The following GSTCD variants were observed in gnomAD, a reference collection of about 807,000 sequenced individuals.
The protein encoded by GSTCD is glutathione S-transferase C-terminal domain-containing protein.
A neutral mutation model predicts 68.3 loss-of-function variants in GSTCD; 44 were observed. The ratio of observed to expected loss-of-function variants is 0.64; its 90% CI spans 0.51 to 0.83. The LOEUF is 0.83. GSTCD is among the 40% of genes least tolerant of loss of function. The pLI is 0.00. For synonymous variants in GSTCD, 273 were observed against 255.2 expected, an observed-to-expected ratio of 1.07 and a Z score of -0.67; for missense variants, 739 against 735.9, an observed-to-expected ratio of 1.00 and a Z score of -0.05.
intron 5 of GSTCD, among the ~76,000 whole-genome samples, chr4:105,816,206 G>A (rs1358404477): frequency 6.6e-6 from 1 of 152,118 alleles, no homozygotes. Context: ...AGAAGCTTTA[G>A]AATTAGATAT....
chr4:105,815,400 T>C (rs778863696), intron 5 of GSTCD: 6 of 152,106 alleles, frequency 3.9e-5, no homozygotes, highest in Non-Finnish European at 8.8e-5. Flanking sequence ...AGATGCCACC[T>C]CTAGATGGGA....
At chr4:105,837,620 A>G (rs1368094408) in intron 9 of GSTCD, among the ~76,000 whole-genome samples, 2 of 152,208 alleles carry the variant, frequency 1.3e-5, no homozygotes, top group Non-Finnish European at 1.5e-5. Context: ...GAGACAAAAA[A>G]GGTGCTTCTC....
At chr4:105,794,823 TTATCTATCTATCTATTTATC>T (rs1157080707) in intron 5 of GSTCD, among the ~76,000 whole-genome samples, 9,419 of 139,942 alleles carry the variant, frequency 0.067, 496 homozygotes, top group African/African-American at 0.16. Flanking sequence ...ATTTCTGCTT[TTATCTATCTATCTATTTATC>T]TATCTATCTA....
chr4:105,821,997 A>T (rs1404526519), intron 5 of GSTCD, among the ~76,000 whole-genome samples: 1 of 152,008 alleles, frequency 6.6e-6, no homozygotes, highest in East Asian at 1.9e-4. Flanking sequence ...TTTTTCTGGG[A>T]AAAAGGAGCA....
intron 4 of GSTCD, among the ~76,000 whole-genome samples, chr4:105,728,385 G>A (rs1013790657): frequency 2.6e-5 from 4 of 152,176 alleles, no homozygotes; most frequent in African/African-American, 9.7e-5. Flanking sequence ...AAGAAGGTCA[G>A]TGTGGCTAGA....
chr4:105,822,994 G>A lies in GSTCD; in HGVS notation c.1281G>A (p.Gln427=). ...SSDRALRKQQ[Q]LNNLVYVVTN... ...ATCGAGCTTTGAGGAAGCAGCAACAGTTGAACAACCTTGTCTATGTGGTAA... is the reference window on the plus strand; with the variant it reads ...ATCGAGCTTTGAGGAAGCAGCAACAATTGAACAACCTTGTCTATGTGGTAA... Residue 427 remains glutamine (Q), a synonymous_variant, in exon 6 of 12, where the codon CAG becomes CAA. Transcript: ENST00000515279. The A allele has an allele frequency of 6.2e-7, 1 of 1,613,768 alleles. No individual in the cohort carries two copies. The highest frequency in any genetic ancestry group is 1.1e-5 in the South Asian group (1 of 91,044).
In GSTCD at chr4:105,729,395, T is replaced by A. The variant is rs776088311; in HGVS notation, c.1147-11T>A. On this transcript the variant is annotated splice_polypyrimidine_tract_variant and intron_variant, in intron 4 of 11. Transcript: ENST00000515279. ...TTCCTTAATTTAGAAAGAGGCTATT[T>A]CCTTTTCTAGGAAAAGGGCATTGAA... 46 of 1,553,726 alleles carry A rather than the reference T, an allele frequency of 3.0e-5. No homozygotes were observed. In the Admixed American group the frequency reaches 7.8e-4, roughly 26 times the overall value.
At chr4:105,814,464 T>A (rs921901387) in intron 5 of GSTCD, among the ~76,000 whole-genome samples, 1 of 151,876 alleles carries the variant, frequency 6.6e-6, no homozygotes, top group African/African-American at 2.4e-5. Flanking sequence ...AATACAAAAA[T>A]AACCTGGGCG....
chr4:105,763,961 T>G (rs1481106272), intron 5 of GSTCD, among the ~76,000 whole-genome samples: 1 of 152,142 alleles, frequency 6.6e-6, no homozygotes, highest in Non-Finnish European at 1.5e-5. Context: ...AAAAGTTTAG[T>G]TTCAGAATCA....
chr4:105,726,017 G>T (rs1733018515), intron 3 of GSTCD, among the ~76,000 whole-genome samples: 1 of 152,012 alleles, frequency 6.6e-6, no homozygotes, highest in Non-Finnish European at 1.5e-5. Flanking sequence ...ATAAAACCTA[G>T]CAATTTGACT....
rs1732513443 is a variant in GSTCD, at chr4:105,710,808, G to A, written c.-22+1792G>A. ...TAGCTGAAGGCATTATGACTCCATGGCAACAGATGATTCCCTGATTCTCCA... is the reference window on the plus strand; with the variant it reads ...TAGCTGAAGGCATTATGACTCCATGACAACAGATGATTCCCTGATTCTCCA... On this transcript the variant is annotated intron_variant, in intron 1 of 11. Coordinates refer to ENST00000515279, the MANE Select transcript of GSTCD (RefSeq NM_001370181.1). The A allele has an allele frequency of 2.0e-5, 3 of 152,266 alleles. No individual in the cohort carries two copies. In the Middle Eastern group the frequency reaches 0.01, roughly 518 times the overall value. 9.4% of individuals were successfully genotyped at this position (152,266 alleles called of 1,614,324 possible).
chr4:105,750,756 C>T (rs1733984947), intron 5 of GSTCD, among the ~76,000 whole-genome samples: 3 of 152,038 alleles, frequency 2.0e-5, no homozygotes, highest in Admixed American at 6.6e-5. Flanking sequence ...AAATATCCTT[C>T]AATAGGTGAG....
chr4:105,771,719 A>T (rs1455819407), intron 5 of GSTCD, among the ~76,000 whole-genome samples: 2 of 151,940 alleles, frequency 1.3e-5, no homozygotes, highest in African/African-American at 4.8e-5. Flanking sequence ...GTTCTGTTCC[A>T]TTCGTCTATA....
chr4:105,825,373 G>A (rs1466644464), intron 7 of GSTCD, among the ~76,000 whole-genome samples: 4 of 152,082 alleles, frequency 2.6e-5, no homozygotes, highest in African/African-American at 4.8e-5. Context: ...CAAGTGATCC[G>A]CTTGCCTCGG....
In GSTCD at chr4:105,760,175, A is replaced by C. The variant is rs1293562022; in HGVS notation, c.1240+30676A>C. On this transcript the variant is annotated intron_variant, in intron 5 of 11. Transcript: ENST00000515279. ...GAGAAAAAAAAAATAGGCAAAAAAAAAAAAAAAAAAAGAGAGAATTCAAGT... is the reference window on the plus strand; with the variant it reads ...GAGAAAAAAAAAATAGGCAAAAAAACAAAAAAAAAAAGAGAGAATTCAAGT... 7.2e-5 allele frequency among the ~76,000 whole-genome samples: 11 copies of C among 151,922 alleles called. No individual in the cohort carries two copies. The East Asian group carries it at 2.1e-3, about 29-fold the overall frequency.
chr4:105,742,707 CT>C (rs70941211), intron 5 of GSTCD, among the ~76,000 whole-genome samples: 83,186 of 130,214 alleles, frequency 0.64, 24,792 homozygotes, highest in East Asian at 0.85. Context: ...GTTGTTTTTA[CT>C]TTTTTTTTTT....
intron 1 of GSTCD, among the ~76,000 whole-genome samples, chr4:105,716,111 C>T (rs1181813484): frequency 6.6e-6 from 1 of 151,916 alleles, no homozygotes; most frequent in East Asian, 1.9e-4. Context: ...ATATAATAAA[C>T]CTATAAAGCA....
intron 3 of GSTCD, among the ~76,000 whole-genome samples, chr4:105,726,123 A>G (rs1733023037): frequency 6.6e-6 from 1 of 152,212 alleles, no homozygotes; most frequent in African/African-American, 2.4e-5. Context: ...AACTGGAAAC[A>G]TGCAAATATC....
intron 5 of GSTCD, among the ~76,000 whole-genome samples, chr4:105,816,707 C>T (rs2149270492): frequency 6.6e-6 from 1 of 152,122 alleles, no homozygotes; most frequent in East Asian, 1.9e-4. Flanking sequence ...AAGACACCAG[C>T]ATTGAAATTC....
Sources: allele counts gnomAD v4.1 joint callset (sites outside exome capture counted in the v4.1 genomes callset), GRCh38; gene constraint gnomAD v4.1.1; transcripts MANE v1.5; gene names NCBI Gene and HGNC (gene_info 2026-07-23, HGNC 2026-07-21).